The following SEC31A variants were observed in gnomAD, a reference collection of about 807,000 sequenced individuals.
SEC31A encodes protein transport protein Sec31A.
Under a neutral mutation model 151.0 loss-of-function variants are expected in SEC31A, and 70 were observed. That is an observed-to-expected ratio of 0.46 (90% CI 0.38 to 0.57). The LOEUF (loss-of-function observed/expected upper bound fraction) is 0.57, where lower values mean the gene tolerates loss of function less well. Among genes scored for constraint, SEC31A ranks in the 20% least tolerant of loss-of-function variants. SEC31A has a pLI of 0.00. For missense variants in SEC31A, 1,330 were observed against 1,471.2 expected (o/e 0.90, Z 1.57); for synonymous variants, 475 against 505.9 (o/e 0.94, Z 0.82).
At chr4:82,837,056 G>A (rs1727480416) in intron 22 of SEC31A, among the ~76,000 whole-genome samples, 1 of 149,950 alleles carries the variant, frequency 6.7e-6, no homozygotes, top group Non-Finnish European at 1.5e-5. Flanking sequence ...CACCCACTAT[G>A]TACCCCAAAA....
intron 7 of SEC31A, among the ~76,000 whole-genome samples, chr4:82,871,011 T>C (rs578159356): frequency 6.6e-6 from 1 of 152,230 alleles, no homozygotes; most frequent in East Asian, 1.9e-4. Flanking sequence ...AACGACACTC[T>C]GTCTCTACCA....
At chr4:82,867,126 T>C (rs775509145) in intron 9 of SEC31A, 29 bp downstream of exon 9, 1 of 1,595,656 alleles carries the variant, frequency 6.3e-7, no homozygotes, top group Non-Finnish European at 8.6e-7. Context: ...TCAGGCATTA[T>C]AATAGAAAAC....
intron 8 of SEC31A, among the ~76,000 whole-genome samples, chr4:82,867,845 C>A (rs1735749819): frequency 6.6e-6 from 1 of 152,194 alleles, no homozygotes; most frequent in South Asian, 2.1e-4. Flanking sequence ...GTTGGCCAGG[C>A]TTGCCTTGAA....
At chr4:82,852,343 T>C (rs2149365267) in intron 18 of SEC31A, among the ~76,000 whole-genome samples, 1 of 152,244 alleles carries the variant, frequency 6.6e-6, no homozygotes, top group African/African-American at 2.4e-5. Flanking sequence ...CCTATAAAAA[T>C]AGTACTACTA....
chr4:82,881,845 C>G lies in SEC31A; in HGVS notation c.79+13G>C, dbSNP rs759348563. 88 of 1,602,916 alleles carry G rather than the reference C, an allele frequency of 5.5e-5. No individual in the cohort carries two copies. The highest frequency in any genetic ancestry group is 7.3e-5 in the Non-Finnish European group (85 of 1,169,864). On this transcript the variant is annotated intron_variant, in intron 2 of 26. Transcript: ENST00000395310. ...TTAGGTAACTCATACTATCTTCTCT[C>G]CTTTGAACTTACCTGTTGCTAGGTA... is the stretch of plus-strand genomic sequence containing the variant.
intron 22 of SEC31A, 75 bp from the exon 23 acceptor site, chr4:82,829,133 A>G: frequency 8.2e-7 from 1 of 1,214,426 alleles, no homozygotes; most frequent in East Asian, 2.3e-5. Flanking sequence ...CGATCACCTA[A>G]TACTTCAAAA....
intron 22 of SEC31A, among the ~76,000 whole-genome samples, chr4:82,833,466 C>T (rs1726472313): frequency 6.6e-6 from 1 of 150,804 alleles, no homozygotes; most frequent in Non-Finnish European, 1.5e-5. Context: ...TTGATGGGTG[C>T]AGCAAACCAC....
Position 82,874,666 on chromosome 4 carries a change from A to G in SEC31A, c.584T>C (p.Val195Ala). The G allele has an allele frequency of 6.2e-7, 1 of 1,613,272 alleles. No homozygotes were observed. The highest frequency in any genetic ancestry group is 8.5e-7 in the Non-Finnish European group (1 of 1,179,786). The change falls in exon 6 of 27, where the codon GTA becomes GCA. Residue 195 changes from valine (V) to alanine (A), a missense_variant. By Grantham distance (64) the Val-to-Ala change is moderately conservative (BLOSUM62 0). Transcript: ENST00000395310. ...TGGCTCATTTTTTCTAAGATCCCAT[A>G]CAGTGGCCCGGCCACTGGGACTGGC... The part of the protein sequence containing the change: ...ASASPSGRAT[V>A]WDLRKNEPII...
Position 82,851,530 on chromosome 4 carries a change from T to C in SEC31A, c.2229A>G (p.Gly743=), listed in dbSNP as rs1731448509. ...GACTCATCTTCGCAGCCAAGAGAAC[T>C]CCTACAGTACTAGTGTCCATGGCTT... ...LTQAMDTSTV[G]VLLAAKMSQY... Residue 743 remains glycine (G), a synonymous_variant, in exon 19 of 27, where the codon GGA becomes GGG. Coordinates refer to ENST00000395310, the MANE Select transcript of SEC31A (RefSeq NM_001077207.4). 6.2e-7 allele frequency: 1 copy of C among 1,614,078 alleles called. No individual in the cohort carries two copies. The highest frequency in any genetic ancestry group is 1.7e-5 in the Admixed American group (1 of 60,016).
At chr4:82,891,318 G>A (rs534425666), upstream of SEC31A, 2 of 833,790 alleles carry the variant, frequency 2.4e-6, no homozygotes, top group African/African-American at 1.7e-5. Context: ...CGGTAGCCTG[G>A]GAGGCGGGGT....
intron 1 of SEC31A, among the ~76,000 whole-genome samples, chr4:82,889,002 T>C (rs1211674003): frequency 1.3e-5 from 2 of 152,258 alleles, no homozygotes; most frequent in Non-Finnish European, 2.9e-5. Flanking sequence ...TAGTTGGCAC[T>C]GCTTTCAGTA....
intron 6 of SEC31A, among the ~76,000 whole-genome samples, chr4:82,874,381 T>C (rs1737461508): frequency 6.6e-6 from 1 of 152,238 alleles, no homozygotes; most frequent in South Asian, 2.1e-4. Flanking sequence ...ATAAGTTCCT[T>C]GATTAACCAA....
At chr4:82,891,255 C>A, upstream of SEC31A, 2 of 1,351,884 alleles carry the variant, frequency 1.5e-6, no homozygotes. Flanking sequence ...CCGGGAGCGA[C>A]ATCTTTCCCC....
At chr4:82,843,548 T>C (rs1356447723) in intron 21 of SEC31A, 2 of 152,210 alleles carry the variant, frequency 1.3e-5, no homozygotes, top group African/African-American at 4.8e-5. Context: ...TCCTATCTAC[T>C]CTGAAGACAG....
intron 1 of SEC31A, among the ~76,000 whole-genome samples, chr4:82,886,902 A>G (rs1467029291): frequency 6.6e-6 from 1 of 152,166 alleles, no homozygotes; most frequent in Non-Finnish European, 1.5e-5. Context: ...TAGACAAATA[A>G]CGTCTTTTTT....
intron 26 of SEC31A, 129 bp downstream of exon 26, chr4:82,820,908 A>T (rs561682746): frequency 4.2e-5 from 31 of 730,362 alleles, no homozygotes; most frequent in Non-Finnish European, 6.8e-5. Context: ...CAACACAGCC[A>T]TGCCCATTCT....
At chr4:82,878,699 T>A (rs1247767888) in intron 4 of SEC31A, 31 bp downstream of exon 4, 1 of 1,568,830 alleles carries the variant, frequency 6.4e-7, no homozygotes, top group South Asian at 1.1e-5. Context: ...CAGCACATAG[T>A]CTAAGAATTA....
At chr4:82,866,369 G>A (rs1735396519) in intron 10 of SEC31A, among the ~76,000 whole-genome samples, 1 of 152,276 alleles carries the variant, frequency 6.6e-6, no homozygotes, top group African/African-American at 2.4e-5. Flanking sequence ...TACCCAGGAG[G>A]CTGAGGCAGG....
rs1328022220 is a variant in SEC31A at position 82,878,835 on chromosome 4, A to T, written c.297T>A (p.Ile99=). 7 of 1,613,946 alleles carry T rather than the reference A, an allele frequency of 4.3e-6. No homozygotes were observed. Among genetic ancestry groups the T allele is most frequent in the Non-Finnish European group, 5.1e-6 (6 of 1,179,822 alleles). The change falls in exon 4 of 27, where the codon ATT becomes ATA. Residue 99 remains isoleucine, a synonymous_variant. Coordinates refer to ENST00000395310, the MANE Select transcript of SEC31A (RefSeq NM_001077207.4). ...CTATAATTTTAGAAGGATCATAGAG[A>T]ATAATATTTCCATTTTCACCACCTG... The part of the protein sequence containing the change: ...LIAGGENGNI[I]LYDPSKIIAG...
Sources: allele counts gnomAD v4.1 joint callset (sites outside exome capture counted in the v4.1 genomes callset), GRCh38; gene constraint gnomAD v4.1.1; transcripts MANE v1.5; gene names NCBI Gene and HGNC (gene_info 2026-07-23, HGNC 2026-07-21).